Variants in BBX observed in about 807,000 individuals in gnomAD.
BBX encodes HMG box transcription factor BBX.
Under a neutral mutation model 100.2 loss-of-function variants are expected in BBX, and 30 were observed. The ratio of observed to expected loss-of-function variants is 0.30; its 90% confidence interval spans 0.22 to 0.41. The LOEUF is 0.41. Ranked by LOEUF, BBX falls within the 10% of genes least tolerant of loss-of-function variation. The pLI, the probability that BBX is intolerant of heterozygous loss-of-function variation, is 1.00. For missense variants in BBX, 1,023 were observed against 1,129.8 expected, an observed-to-expected ratio of 0.91 and a Z score of 1.35; for synonymous variants, 376 against 388.1, an observed-to-expected ratio of 0.97 and a Z score of 0.37.
In BBX at chr3:107,807,139, T is replaced by C. The variant is rs2071104614; in HGVS notation, c.*1682T>C. The C allele has an allele frequency of 6.6e-6, 1 of 152,210 alleles. No individual in the cohort carries two copies. Among genetic ancestry groups the C allele is most frequent in the Non-Finnish European group, 1.5e-5 (1 of 67,998 alleles). The allele number at this position is 152,210 out of a possible 1,614,324, so 9.4% of individuals were successfully genotyped here. The stretch of plus-strand genomic sequence containing the variant: ...GTAGATATTACTTCAGTTCCGGTGC[T>C]GGAAAATATGTACAACATACTAACA... On this transcript the variant is annotated 3_prime_UTR_variant, in exon 18 of 18. Transcript: ENST00000325805.
At chr3:107,638,780 T>TACACACACACACACACACACACAC (rs61081300) in intron 2 of BBX, among the ~76,000 whole-genome samples, 2 of 99,896 alleles carry the variant, frequency 2.0e-5, no homozygotes, top group African/African-American at 8.0e-5. Flanking sequence ...AAAAAAAGTA[T>TACACACACACACACACACACACAC]ACACACACAC....
At chr3:107,717,109 T>A (rs963307079) in intron 5 of BBX, among the ~76,000 whole-genome samples, 1 of 152,200 alleles carries the variant, frequency 6.6e-6, no homozygotes, top group African/African-American at 2.4e-5. Context: ...CCCCACTGAT[T>A]GATATAAGGG....
intron 2 of BBX, among the ~76,000 whole-genome samples, chr3:107,643,092 C>T (rs923255122): frequency 2.0e-5 from 3 of 152,078 alleles, no homozygotes; most frequent in African/African-American, 7.2e-5. Context: ...TTTGCAATGA[C>T]GTGCCTTTGA....
At chr3:107,565,979 GC>G (rs1186676010) in intron 2 of BBX, among the ~76,000 whole-genome samples, 1 of 151,262 alleles carries the variant, frequency 6.6e-6, no homozygotes, top group Non-Finnish European at 1.5e-5. Context: ...CTCAAGACCA[GC>G]CTGGCCAACA....
At chr3:107,666,018 G>T (rs966789575) in intron 3 of BBX, among the ~76,000 whole-genome samples, 4 of 152,096 alleles carry the variant, frequency 2.6e-5, no homozygotes, top group Non-Finnish European at 5.9e-5. Flanking sequence ...ATTAACTATT[G>T]CAGGGAATTG....
chr3:107,647,860 C>T (rs888391088), intron 3 of BBX, among the ~76,000 whole-genome samples: 1 of 152,160 alleles, frequency 6.6e-6, no homozygotes, highest in Non-Finnish European at 1.5e-5. Flanking sequence ...AAGGAGCAGT[C>T]TTTCTGGCAT....
At chr3:107,734,063 A>G (rs941522832) in intron 7 of BBX, among the ~76,000 whole-genome samples, 3 of 152,184 alleles carry the variant, frequency 2.0e-5, no homozygotes, top group Admixed American at 2.0e-4. Flanking sequence ...CAATGACTCA[A>G]TTTTATTTTG....
intron 11 of BBX, among the ~76,000 whole-genome samples, chr3:107,774,424 A>G (rs1054130980): frequency 6.6e-6 from 1 of 152,174 alleles, no homozygotes; most frequent in African/African-American, 2.4e-5. Context: ...AAGGACTCCC[A>G]TACCTTGGCT....
chr3:107,793,458 T>C (rs911732853), intron 15 of BBX, among the ~76,000 whole-genome samples: 1 of 152,176 alleles, frequency 6.6e-6, no homozygotes, highest in Non-Finnish European at 1.5e-5. Context: ...CAGAAATTAC[T>C]AGTAATTTAA....
At chr3:107,765,461 G>A (rs916887263) in intron 10 of BBX, among the ~76,000 whole-genome samples, 8 of 151,926 alleles carry the variant, frequency 5.3e-5, no homozygotes, top group African/African-American at 1.9e-4. Flanking sequence ...GTGTGTATGT[G>A]TGTGTGTGTG....
At chr3:107,563,441 T>C (rs2050655230) in intron 2 of BBX, among the ~76,000 whole-genome samples, 1 of 152,236 alleles carries the variant, frequency 6.6e-6, no homozygotes, top group South Asian at 2.1e-4. Context: ...ATTGCTGGGT[T>C]TGGCCTTTTA....
intron 5 of BBX, among the ~76,000 whole-genome samples, chr3:107,722,927 A>G (rs1047935259): frequency 6.6e-6 from 1 of 151,980 alleles, no homozygotes. Flanking sequence ...TGTATAATGT[A>G]ATTTCTGCTC....
chr3:107,617,889 C>CT (rs2055416813), intron 2 of BBX, among the ~76,000 whole-genome samples: 3 of 151,362 alleles, frequency 2.0e-5, no homozygotes, highest in Non-Finnish European at 2.9e-5. Flanking sequence ...TTTTCCTTGA[C>CT]TTATTGCACT....
chr3:107,547,563 A>G (rs1323598941), intron 2 of BBX, among the ~76,000 whole-genome samples: 1 of 152,076 alleles, frequency 6.6e-6, no homozygotes, highest in Admixed American at 6.6e-5. Flanking sequence ...TTTTCGTTTT[A>G]TATTTGTTCT....
chr3:107,532,335 A>G (rs556677339), intron 2 of BBX, among the ~76,000 whole-genome samples: 1 of 152,304 alleles, frequency 6.6e-6, no homozygotes, highest in Non-Finnish European at 1.5e-5. Context: ...TTTTTAAAAA[A>G]AGTCAAGAAA....
chr3:107,589,244 TTGAC>T (rs2053097882), intron 2 of BBX, among the ~76,000 whole-genome samples: 1 of 152,230 alleles, frequency 6.6e-6, no homozygotes, highest in Non-Finnish European at 1.5e-5. Context: ...CATCTACTAT[TTGAC>T]CATCATCTTG....
intron 2 of BBX, among the ~76,000 whole-genome samples, chr3:107,612,705 C>A (rs1346999647): frequency 6.6e-6 from 1 of 152,214 alleles, no homozygotes. Context: ...GAAGCCAGCA[C>A]AGCACTGGGT....
chr3:107,726,769 G>C (rs2062976317), intron 5 of BBX, among the ~76,000 whole-genome samples: 1 of 152,038 alleles, frequency 6.6e-6, no homozygotes, highest in Non-Finnish European at 1.5e-5. Flanking sequence ...ACTGTGGACT[G>C]TAAGCAATAT....
At chr3:107,761,590 A>G (rs2065904536) in intron 10 of BBX, among the ~76,000 whole-genome samples, 1 of 152,230 alleles carries the variant, frequency 6.6e-6, no homozygotes. Flanking sequence ...GATGACTCCA[A>G]CACTGAACCT....
Sources: gnomAD v4.1 joint callset for allele counts (sites outside exome capture counted in the v4.1 genomes callset) on GRCh38, gnomAD v4.1.1 for gene constraint, MANE v1.5 for transcripts, NCBI Gene and HGNC (gene_info 2026-07-23, HGNC 2026-07-21) for gene names.